The following TMLHE variants were observed in gnomAD, a reference collection of about 807,000 sequenced individuals.
TMLHE encodes trimethyllysine dioxygenase, mitochondrial.
Under a neutral mutation model 25.7 loss-of-function variants are expected in TMLHE, and 18 were observed. The observed-to-expected ratio is 0.70, with a 90% CI of 0.48 to 1.04. The LOEUF (loss-of-function observed/expected upper bound fraction) is 1.04, where lower values mean the gene tolerates loss of function less well. TMLHE is among the 50% of genes least tolerant of loss of function. TMLHE has a pLI of 0.00. For synonymous variants in TMLHE, 105 were observed against 97.0 expected (o/e 1.08, Z -0.49); for missense variants, 236 against 259.0 (o/e 0.91, Z 0.61).
intron 3 of TMLHE, among the ~76,000 whole-genome samples, chrX:155,515,806 T>C (rs1175774857): frequency 9.1e-6 from 1 of 110,244 alleles, no homozygotes; most frequent in Admixed American, 9.7e-5. Flanking sequence ...TCAAATCTGG[T>C]GCTTGGTTTT....
chrX:155,605,814 A>C (rs1423618166), intron 1 of TMLHE, among the ~76,000 whole-genome samples: 4 of 111,988 alleles, frequency 3.6e-5, no homozygotes, highest in Non-Finnish European at 5.6e-5. Context: ...TTGGATAAAG[A>C]AGCAAGACCC....
rs947957240 is a variant in TMLHE at position 155,545,364 on chromosome X, A to G, written c.-1-87T>C. The G allele has an allele frequency of 2.0e-5, 15 of 758,129 alleles. No homozygotes were observed. The African/African-American group carries it at 3.0e-4, about 15-fold the overall frequency. The allele number at this position is 758,129 out of a possible 1,213,427, so 62.5% of individuals were successfully genotyped here. A position where few individuals can be genotyped will look rare whatever the true frequency, so the allele number is the denominator to read the frequency against. On this transcript the variant is annotated intron_variant, in intron 1 of 7. Coordinates refer to ENST00000334398, the MANE Select transcript of TMLHE (RefSeq NM_018196.4). ...AATAACACTACAGATATAATTATGT[A>G]AAATGATAGATTTAATGATCTCAAT...
At chrX:155,506,750 A>G (rs967916040) in intron 6 of TMLHE, 148 bp downstream of exon 6, 16 of 490,156 alleles carry the variant, frequency 3.3e-5, no homozygotes, top group Admixed American at 1.0e-4. Flanking sequence ...GGGAATTATA[A>G]GAAGAATACA....
At chrX:155,550,820 G>A (rs891436559) in intron 1 of TMLHE, among the ~76,000 whole-genome samples, 1 of 110,476 alleles carries the variant, frequency 9.1e-6, no homozygotes, top group Non-Finnish European at 1.9e-5. Context: ...GAGTGTATAT[G>A]AACCACTTGG....
intron 7 of TMLHE, 126 bp from the exon 8 acceptor site, chrX:155,491,792 A>T: frequency 1.1e-5 from 1 of 90,035 alleles, no homozygotes; most frequent in Non-Finnish European, 2.1e-5. Context: ...TTCTGGTTGC[A>T]TTAAATGAGA....
chrX:155,567,289 G>C (rs2067514339), intron 1 of TMLHE, among the ~76,000 whole-genome samples: 1 of 62,810 alleles, frequency 1.6e-5, no homozygotes, highest in African/African-American at 3.5e-5. Flanking sequence ...TAGAGCATTT[G>C]ACTTCCTGAA....
At chrX:155,554,921 G>A (rs1361267670) in intron 1 of TMLHE, among the ~76,000 whole-genome samples, 4 of 107,569 alleles carry the variant, frequency 3.7e-5, no homozygotes, top group Admixed American at 9.9e-5. Flanking sequence ...TAGGGTACAC[G>A]TGCACCATGT....
At chrX:155,560,154 C>G (rs2067485499) in intron 1 of TMLHE, among the ~76,000 whole-genome samples, 1 of 112,171 alleles carries the variant, frequency 8.9e-6, no homozygotes, top group African/African-American at 3.2e-5. Context: ...CATAATCTAT[C>G]TTGCCCCACC....
At chrX:155,563,870 GTTTA>G (rs1285253222) in intron 1 of TMLHE, among the ~76,000 whole-genome samples, 1 of 61,693 alleles carries the variant, frequency 1.6e-5, no homozygotes, top group African/African-American at 3.6e-5. Flanking sequence ...GTAATTATTT[GTTTA>G]TTTGTTTTTA....
chrX:155,595,482 G>A (rs147751295), intron 1 of TMLHE, among the ~76,000 whole-genome samples: 11,087 of 111,792 alleles, frequency 0.099, 549 homozygotes, highest in Non-Finnish European at 0.15. Flanking sequence ...CTTCCAAGAA[G>A]CAGAGAAAAG....
rs1359169311 is a variant in TMLHE, at chrX:155,556,549, C to A, written c.-1-11272G>T. 7.7e-3 allele frequency among the ~76,000 whole-genome samples: 847 copies of A among 109,653 alleles called. 14 individuals are homozygous for A. The highest frequency in any genetic ancestry group is 0.027 in the African/African-American group (812 of 30,121). On this transcript the variant is annotated intron_variant, in intron 1 of 7. Coordinates refer to ENST00000334398, the MANE Select transcript of TMLHE (RefSeq NM_018196.4). ...TTTCAAAAGGGGAGGGAGTATATGA[C>A]TACGTGTGGGTGACAGACATCAAGT...
chrX:155,588,915 T>G (rs1353084594), intron 1 of TMLHE, among the ~76,000 whole-genome samples: 2 of 111,780 alleles, frequency 1.8e-5, no homozygotes, highest in African/African-American at 3.2e-5. Flanking sequence ...GGAAACAGTA[T>G]GGAGGATGTT....
chrX:155,530,066 C>G (rs1274149002), intron 2 of TMLHE, among the ~76,000 whole-genome samples: 2 of 111,837 alleles, frequency 1.8e-5, no homozygotes, highest in African/African-American at 6.5e-5. Flanking sequence ...CTTTTACCTT[C>G]TGAGTATATG....
intron 2 of TMLHE, among the ~76,000 whole-genome samples, chrX:155,541,762 A>G (rs782218198): frequency 4.0e-4 from 45 of 111,672 alleles, no homozygotes; most frequent in Admixed American, 1.6e-3. Context: ...ATGATATCTC[A>G]TTATGGTTTT....
intron 1 of TMLHE, among the ~76,000 whole-genome samples, chrX:155,557,907 C>G (rs1245612615): frequency 1.8e-5 from 2 of 111,639 alleles, no homozygotes; most frequent in Non-Finnish European, 3.8e-5. Context: ...TGTATCTCTA[C>G]TTGCCAACAT....
intron 3 of TMLHE, 68 bp downstream of exon 3, chrX:155,524,388 A>T: frequency 4.2e-6 from 4 of 949,711 alleles, no homozygotes; most frequent in Non-Finnish European, 5.5e-6. Context: ...GGAACAAACC[A>T]TTTTCCACAA....
chrX:155,589,537 G>C (rs1413304266), intron 1 of TMLHE, among the ~76,000 whole-genome samples: 1 of 111,954 alleles, frequency 8.9e-6, no homozygotes, highest in Middle Eastern at 4.2e-3. Flanking sequence ...GGAACAGAAA[G>C]ACAGATACTG....
intron 1 of TMLHE, among the ~76,000 whole-genome samples, chrX:155,598,931 C>T (rs1557346887): frequency 9.0e-6 from 1 of 110,619 alleles, no homozygotes; most frequent in African/African-American, 3.3e-5. Flanking sequence ...AACGAGTGTT[C>T]CTGCCTCTCC....
At chrX:155,511,829 T>G (rs372961324) in intron 4 of TMLHE, 37 bp from the exon 5 acceptor site, 2 of 1,129,099 alleles carry the variant, frequency 1.8e-6, no homozygotes, top group Non-Finnish European at 2.4e-6. Flanking sequence ...GTTAGCTATT[T>G]GAAATGTTCA....
Sources: gnomAD v4.1 joint callset for allele counts (sites outside exome capture counted in the v4.1 genomes callset) on GRCh38, gnomAD v4.1.1 for gene constraint, MANE v1.5 for transcripts, NCBI Gene and HGNC (gene_info 2026-07-23, HGNC 2026-07-21) for gene names.